Variants in ITIH5 observed in about 807,000 individuals in gnomAD.
ITIH5 encodes the protein inter-alpha-trypsin inhibitor heavy chain 5, also known as inter-alpha-trypsin inhibitor heavy chain H5.
ITIH5 carries 65 observed loss-of-function variants against 77.5 expected under a neutral mutation model. The ratio of observed to expected loss-of-function variants is 0.84; its 90% CI spans 0.69 to 1.03. The LOEUF is 1.03. ITIH5 is among the 50% of genes least tolerant of loss of function. The pLI, the probability that ITIH5 is intolerant of heterozygous loss-of-function variation, is 0.00. For missense variants in ITIH5, 1,208 were observed against 1,213.1 expected (o/e 1.00, Z 0.06); for synonymous variants, 525 against 494.3 (o/e 1.06, Z -0.82).
Position 7,573,129 on chromosome 10 carries a change from T to G in ITIH5, c.2032+13A>C. On this transcript the variant is annotated intron_variant, in intron 11 of 13. Coordinates refer to ENST00000397146, the MANE Select transcript of ITIH5 (RefSeq NM_030569.7). ...TACTCTCAATCCACACACAACCGCA[T>G]CCTTTGCTTTACCTGATGTTTTAGA... 6.2e-7 allele frequency: 1 copy of G among 1,611,766 alleles called. No homozygotes were observed. The highest frequency in any genetic ancestry group is 8.5e-7 in the Non-Finnish European group (1 of 1,177,872).
intron 4 of ITIH5, among the ~76,000 whole-genome samples, chr10:7,639,263 A>C (rs919141508): frequency 2.0e-5 from 3 of 152,248 alleles, no homozygotes; most frequent in Non-Finnish European, 4.4e-5. Context: ...AAATTTAAAT[A>C]GAGCAGTGTT....
At chr10:7,665,050 A>C (rs190489282) in intron 1 of ITIH5, among the ~76,000 whole-genome samples, 1 of 152,370 alleles carries the variant, frequency 6.6e-6, no homozygotes, top group African/African-American at 2.4e-5. Context: ...CGGATTAGGG[A>C]TAAAAGGTAA....
intron 7 of ITIH5, 142 bp downstream of exon 7, chr10:7,615,840 C>T: frequency 1.6e-6 from 1 of 641,458 alleles, no homozygotes; most frequent in Non-Finnish European, 2.8e-6. Context: ...TTAACTGAAT[C>T]CGCTCAAGAA....
At chr10:7,666,253 G>A (rs1834359185) in intron 1 of ITIH5, among the ~76,000 whole-genome samples, 1 of 152,014 alleles carries the variant, frequency 6.6e-6, no homozygotes, top group African/African-American at 2.4e-5. Context: ...CAAACGCACA[G>A]ACCAGCAACT....
intron 12 of ITIH5, 99 bp from the exon 13 acceptor site, chr10:7,566,506 T>C: frequency 3.3e-6 from 4 of 1,225,362 alleles, no homozygotes; most frequent in Middle Eastern, 5.5e-4. Flanking sequence ...GGCAGGTGGA[T>C]TGCCTGAGTC....
intron 1 of ITIH5, among the ~76,000 whole-genome samples, chr10:7,663,015 G>A (rs965193035): frequency 1.3e-5 from 2 of 152,150 alleles, no homozygotes; most frequent in African/African-American, 4.8e-5. Context: ...CACCACAATA[G>A]ATGTTTGAAT....
intron 1 of ITIH5, among the ~76,000 whole-genome samples, chr10:7,660,613 A>G (rs1164978112): frequency 6.6e-6 from 1 of 152,244 alleles, no homozygotes; most frequent in African/African-American, 2.4e-5. Flanking sequence ...TTAAATGTTT[A>G]TAATTTGACT....
chr10:7,657,362 C>T (rs1041721409), intron 1 of ITIH5, among the ~76,000 whole-genome samples: 14 of 151,992 alleles, frequency 9.2e-5, no homozygotes, highest in African/African-American at 3.1e-4. Flanking sequence ...TAACTTTTTA[C>T]GATACTGCCA....
At chr10:7,657,625 C>G (rs1417874816) in intron 1 of ITIH5, among the ~76,000 whole-genome samples, 3 of 143,812 alleles carry the variant, frequency 2.1e-5, no homozygotes. Context: ...AAATAAGGAC[C>G]TGCACCTACA....
At chr10:7,575,842 A>C (rs997939265) in intron 10 of ITIH5, among the ~76,000 whole-genome samples, 2 of 152,188 alleles carry the variant, frequency 1.3e-5, no homozygotes, top group African/African-American at 2.4e-5. Flanking sequence ...CCCATGCCTG[A>C]AACCTGGCAA....
intron 7 of ITIH5, among the ~76,000 whole-genome samples, chr10:7,602,408 C>A (rs563330818): frequency 6.6e-6 from 1 of 152,200 alleles, no homozygotes; most frequent in Non-Finnish European, 1.5e-5. Context: ...ATAATCCCTA[C>A]GTGTCAAGGG....
chr10:7,562,013 T>C lies in ITIH5; in HGVS notation c.*1070A>G, dbSNP rs926482367. ...CCAAGTTTTGGAACCAAAGCCCCTG[T>C]CCACGAGCTGGTTTCCTGACTTTTT... On this transcript the variant is annotated 3_prime_UTR_variant, in exon 14 of 14. Transcript: ENST00000397146. 3.3e-5 allele frequency: 5 copies of C among 152,222 alleles called. No individual in the cohort carries two copies. Among genetic ancestry groups the C allele is most frequent in the Admixed American group, 3.3e-4 (5 of 15,276 alleles). 9.4% of individuals were successfully genotyped at this position (152,222 alleles called of 1,614,324 possible). A position where few individuals can be genotyped will look rare whatever the true frequency, so the allele number is the denominator to read the frequency against.
intron 10 of ITIH5, among the ~76,000 whole-genome samples, chr10:7,573,600 C>G (rs1027836838): frequency 1.4e-5 from 2 of 142,690 alleles, no homozygotes; most frequent in Admixed American, 7.5e-5. Flanking sequence ...CACTTGAGCC[C>G]AGGAGATCAA....
chr10:7,590,799 G>C (rs1832777980), intron 7 of ITIH5, among the ~76,000 whole-genome samples: 1 of 152,216 alleles, frequency 6.6e-6, no homozygotes, highest in African/African-American at 2.4e-5. Flanking sequence ...TTAGGAAGGA[G>C]CCAGCATGGC....
Position 7,563,190 on chromosome 10 carries a change from T to G in ITIH5, c.2722A>C (p.Arg908=). The change falls in exon 14 of 14, where the codon AGG becomes CGG. Residue 908 remains arginine (R), a synonymous_variant. Coordinates refer to ENST00000397146, the MANE Select transcript of ITIH5 (RefSeq NM_030569.7). The part of the protein sequence containing the change: ...GEEQIDCWFA[R]NNAAKLIDGE... ...TCAATCAGTTTGGCGGCATTGTTCC[T>G]GGCAAACCAGCAGTCTATCTGCTCT... 7 of 1,614,238 alleles carry G rather than the reference T, an allele frequency of 4.3e-6. No homozygotes were observed. The highest frequency in any genetic ancestry group is 5.1e-6 in the Non-Finnish European group (6 of 1,180,040).
intron 1 of ITIH5, among the ~76,000 whole-genome samples, chr10:7,660,735 TG>T (rs977221036): frequency 3.3e-5 from 5 of 152,160 alleles, no homozygotes; most frequent in African/African-American, 9.7e-5. Context: ...TGGGAAAGAA[TG>T]GGAGGCAGGA....
chr10:7,656,775 G>C (rs6602258), intron 1 of ITIH5, among the ~76,000 whole-genome samples: 4 of 143,280 alleles, frequency 2.8e-5, no homozygotes, highest in African/African-American at 5.2e-5. Context: ...AGACGGTCTC[G>C]CTCTGTTGCC....
intron 7 of ITIH5, among the ~76,000 whole-genome samples, chr10:7,597,191 C>A (rs17346945): frequency 6.6e-6 from 1 of 151,840 alleles, no homozygotes; most frequent in Non-Finnish European, 1.5e-5. Flanking sequence ...ATGCCCAAGA[C>A]AAGCTGTAGT....
Position 7,637,296 on chromosome 10 carries a change from G to A in ITIH5, c.584C>T (p.Ala195Val), listed in dbSNP as rs1262985553. ...CAGCACCTCCAGGGATGCGATGCCC[G>A]CGCTCTCCAGGATATTCACGTCCAC... is the stretch of plus-strand genomic sequence containing the variant. ...LSVDVNILES[A>V]GIASLEVLPL... The change falls in exon 5 of 14, where the codon GCG becomes GTG. Residue 195 changes from alanine (A) to valine (V), a missense_variant. Coordinates refer to ENST00000397146, the MANE Select transcript of ITIH5 (RefSeq NM_030569.7). 2.5e-6 allele frequency: 4 copies of A among 1,612,910 alleles called. No homozygotes were observed. Among genetic ancestry groups the A allele is most frequent in the Admixed American group, 1.7e-5 (1 of 60,006 alleles).
Sources: allele counts gnomAD v4.1 joint callset (sites outside exome capture counted in the v4.1 genomes callset), GRCh38; gene constraint gnomAD v4.1.1; transcripts MANE v1.5; gene names NCBI Gene and HGNC (gene_info 2026-07-23, HGNC 2026-07-21).